Variants in EPHA5 observed in about 807,000 individuals in gnomAD.
The protein encoded by EPHA5 is ephrin type-A receptor 5.
EPHA5 carries 60 observed loss-of-function variants against 105.0 expected under a neutral mutation model. The observed-to-expected ratio is 0.57, with a 90% CI of 0.46 to 0.71. The LOEUF (loss-of-function observed/expected upper bound fraction) is 0.71, where lower values mean the gene tolerates loss of function less well. Among genes scored for constraint, EPHA5 ranks in the 30% least tolerant of loss-of-function variants. EPHA5 has a pLI of 0.00. For missense variants in EPHA5, 1,218 were observed against 1,274.7 expected (o/e 0.96, Z 0.68); for synonymous variants, 513 against 449.1 (o/e 1.14, Z -1.80).
chr4:65,653,894 G>T (rs1490010996), intron 1 of EPHA5, among the ~76,000 whole-genome samples: 1 of 151,842 alleles, frequency 6.6e-6, no homozygotes, highest in African/African-American at 2.4e-5. Context: ...TCAGACCATG[G>T]ATCAGAGGGG....
chr4:65,342,709 C>T (rs1007244710), intron 14 of EPHA5, among the ~76,000 whole-genome samples: 28 of 150,722 alleles, frequency 1.9e-4, no homozygotes, highest in African/African-American at 6.8e-4. Context: ...AAGCAATATA[C>T]ATAAACATAA....
intron 16 of EPHA5, among the ~76,000 whole-genome samples, chr4:65,324,928 T>A (rs1199508287): frequency 6.6e-6 from 1 of 151,268 alleles, no homozygotes; most frequent in African/African-American, 2.4e-5. Flanking sequence ...TACAAATATT[T>A]AGATTTCTAA....
At chr4:65,459,792 A>C (rs186132901) in intron 5 of EPHA5, among the ~76,000 whole-genome samples, 1 of 152,004 alleles carries the variant, frequency 6.6e-6, no homozygotes. Context: ...AAAGCCAATG[A>C]GTCAATATGG....
rs192950615 is a variant in EPHA5, at chr4:65,510,127, C to T, written c.911-14584G>A. Reference sequence around the variant, plus strand: ...TCCCCCCACTGCAACCTCTGCCTCCCGAGTTCAAGTGATTCTCCTGCCTCA... The same window carrying T: ...TCCCCCCACTGCAACCTCTGCCTCCTGAGTTCAAGTGATTCTCCTGCCTCA... On this transcript the variant is annotated intron_variant, in intron 3 of 16. Coordinates refer to ENST00000613740, the MANE Select transcript of EPHA5 (RefSeq NM_001281766.3). Among the ~76,000 whole-genome samples, 140 of 151,340 alleles carry T rather than the reference C, an allele frequency of 9.3e-4. 1 individual carries two copies. Among genetic ancestry groups the T allele is most frequent in the Non-Finnish European group, 1.4e-3 (94 of 67,836 alleles).
At chr4:65,609,289 G>A (rs1434068971) in intron 2 of EPHA5, among the ~76,000 whole-genome samples, 1 of 152,078 alleles carries the variant, frequency 6.6e-6, no homozygotes, top group Non-Finnish European at 1.5e-5. Flanking sequence ...TCAATATTAT[G>A]TTAGTGGGAA....
intron 1 of EPHA5, among the ~76,000 whole-genome samples, chr4:65,643,763 G>C (rs1043121471): frequency 2.6e-5 from 4 of 151,854 alleles, no homozygotes; most frequent in Non-Finnish European, 5.9e-5. Flanking sequence ...CTTTCATGTG[G>C]CCTTGTACAA....
intron 16 of EPHA5, among the ~76,000 whole-genome samples, chr4:65,328,580 T>A (rs1287336903): frequency 6.6e-6 from 1 of 151,156 alleles, no homozygotes; most frequent in Non-Finnish European, 1.5e-5. Context: ...GACAGATTAA[T>A]GAATATTCCC....
chr4:65,576,391 G>T (rs2149389097), intron 3 of EPHA5, among the ~76,000 whole-genome samples: 1 of 152,308 alleles, frequency 6.6e-6, no homozygotes, highest in Middle Eastern at 3.4e-3. Context: ...CCTTTTTACA[G>T]TCATTTTTCT....
At chr4:65,498,395 T>A (rs1172511768) in intron 3 of EPHA5, among the ~76,000 whole-genome samples, 3 of 151,938 alleles carry the variant, frequency 2.0e-5, no homozygotes, top group Non-Finnish European at 4.4e-5. Flanking sequence ...TCACAGTAAC[T>A]GCAAAGTTAT....
rs61008833 is a variant in EPHA5 at position 65,557,233 on chromosome 4, G to GATATATATATATATATATATATATAT, written c.910+44382_910+44407dup. Among the ~76,000 whole-genome samples the GATATATATATATATATATATATATAT allele has an allele frequency of 1.1e-3, 96 of 90,870 alleles. 3 individuals carry two copies. Among genetic ancestry groups the GATATATATATATATATATATATATAT allele is most frequent in the Non-Finnish European group, 1.2e-3 (58 of 47,300 alleles). 59.6% of individuals were successfully genotyped at this position (90,870 alleles called of 152,430 possible). A position where few individuals can be genotyped will look rare whatever the true frequency, so the allele number is the denominator to read the frequency against. On this transcript the variant is annotated intron_variant, in intron 3 of 16. Coordinates refer to ENST00000613740, the MANE Select transcript of EPHA5 (RefSeq NM_001281766.3). ...GTATTTTGAACATCATTTATACTGG[G>GATATATATATATATATATATATATAT]ATATATATATATATATATATATATA...
At chr4:65,508,020 A>T (rs959030275) in intron 3 of EPHA5, among the ~76,000 whole-genome samples, 3 of 152,060 alleles carry the variant, frequency 2.0e-5, no homozygotes, top group African/African-American at 7.2e-5. Flanking sequence ...ACTTTGTTTC[A>T]TATAAATATG....
At chr4:65,479,639 T>A (rs1730160452) in intron 5 of EPHA5, among the ~76,000 whole-genome samples, 1 of 152,176 alleles carries the variant, frequency 6.6e-6, no homozygotes, top group South Asian at 2.1e-4. Context: ...TTACACTGAA[T>A]ACAGAATGTC....
intron 3 of EPHA5, among the ~76,000 whole-genome samples, chr4:65,596,704 ACAC>A: frequency 6.9e-6 from 1 of 144,956 alleles, no homozygotes; most frequent in Non-Finnish European, 1.5e-5. Context: ...ACACACACAC[ACAC>A]CAACACAACA....
At position 65,573,219 on chromosome 4, in the gene EPHA5, C is replaced by T. The variant is rs536377286; in HGVS notation, c.910+28422G>A. Among the ~76,000 whole-genome samples, 141 of 151,092 alleles carry T rather than the reference C, an allele frequency of 9.3e-4. 1 individual carries two copies. The highest frequency in any genetic ancestry group is 1.5e-3 in the Non-Finnish European group (104 of 67,706). Reference sequence around the variant, plus strand: ...GAGGTCAGGATATAGAGACCATCCTCGCTAACACGGTGAAACCCCGTCTCT... The same window carrying T: ...GAGGTCAGGATATAGAGACCATCCTTGCTAACACGGTGAAACCCCGTCTCT... On this transcript the variant is annotated intron_variant, in intron 3 of 16. Transcript: ENST00000613740.
intron 5 of EPHA5, 80 bp from the exon 6 acceptor site, chr4:65,420,645 G>T: frequency 1.5e-6 from 2 of 1,321,036 alleles, no homozygotes; most frequent in Non-Finnish European, 2.0e-6. Context: ...ACGTATATTG[G>T]CATTTTGAGA....
At chr4:65,330,932 G>A (rs1274494233) in intron 16 of EPHA5, 4 of 1,041,446 alleles carry the variant, frequency 3.8e-6, no homozygotes, top group Non-Finnish European at 1.2e-6. Flanking sequence ...TGCTGAGAAT[G>A]TGACATTAAT....
At chr4:65,542,804 C>T (rs567928642) in intron 3 of EPHA5, among the ~76,000 whole-genome samples, 25 of 151,250 alleles carry the variant, frequency 1.7e-4, no homozygotes, top group African/African-American at 5.8e-4. Flanking sequence ...CCCTGATGAA[C>T]ATTGATATGA....
intron 3 of EPHA5, among the ~76,000 whole-genome samples, chr4:65,533,626 T>C (rs1044471920): frequency 2.6e-5 from 4 of 152,024 alleles, no homozygotes; most frequent in African/African-American, 7.2e-5. Flanking sequence ...ACCACACAAG[T>C]CCTTTACTTA....
At chr4:65,582,994 A>AT (rs879388709) in intron 3 of EPHA5, among the ~76,000 whole-genome samples, 5 of 151,576 alleles carry the variant, frequency 3.3e-5, no homozygotes, top group African/African-American at 4.8e-5. Flanking sequence ...TTGAGACAAG[A>AT]TTTTTTTGTT....
Sources: gnomAD v4.1 joint callset for allele counts (sites outside exome capture counted in the v4.1 genomes callset) on GRCh38, gnomAD v4.1.1 for gene constraint, MANE v1.5 for transcripts, NCBI Gene and HGNC (gene_info 2026-07-23, HGNC 2026-07-21) for gene names.